Variants in LRRTM4 observed in about 807,000 individuals in gnomAD.
LRRTM4 encodes leucine rich repeat transmembrane neuronal 4, also known as leucine-rich repeat transmembrane neuronal protein 4.
LRRTM4 carries 25 observed loss-of-function variants against 47.6 expected under a neutral mutation model. The ratio of observed to expected loss-of-function variants is 0.53; its 90% CI spans 0.38 to 0.73. The LOEUF is 0.73. Ranked by LOEUF, LRRTM4 falls within the 30% of genes least tolerant of loss-of-function variation. The pLI is 0.00. For missense variants in LRRTM4, 638 were observed against 713.4 expected, an observed-to-expected ratio of 0.89 and a Z score of 1.20; for synonymous variants, 311 against 269.5, an observed-to-expected ratio of 1.15 and a Z score of -1.51.
At chr2:77,448,907 C>A (rs1161687671) in intron 3 of LRRTM4, among the ~76,000 whole-genome samples, 2 of 152,068 alleles carry the variant, frequency 1.3e-5, no homozygotes, top group Non-Finnish European at 2.9e-5. Flanking sequence ...GGAAAGTGGC[C>A]AGTTTAAACC....
intron 3 of LRRTM4, among the ~76,000 whole-genome samples, chr2:77,336,772 G>C (rs1671183202): frequency 6.6e-6 from 1 of 152,102 alleles, no homozygotes; most frequent in Non-Finnish European, 1.5e-5. Context: ...TACTGAATGG[G>C]CAAAAGTTGG....
At chr2:77,017,893 G>A (rs993145598) in intron 3 of LRRTM4, among the ~76,000 whole-genome samples, 20 of 144,408 alleles carry the variant, frequency 1.4e-4, no homozygotes, top group South Asian at 6.7e-4. Context: ...ATTAGAAAGC[G>A]TCTTTCTTTA....
chr2:77,047,380 T>C (rs1413789465), intron 3 of LRRTM4, among the ~76,000 whole-genome samples: 2 of 152,020 alleles, frequency 1.3e-5, no homozygotes, highest in African/African-American at 4.8e-5. Flanking sequence ...GTGGCTTAAA[T>C]AACAGATATT....
chr2:77,517,763 A>C (rs547106864), intron 3 of LRRTM4: 1 of 985,186 alleles, frequency 1.0e-6, no homozygotes, highest in African/African-American at 1.7e-5. Context: ...GACATTCTCT[A>C]TGCTGGTATA....
chr2:76,979,570 A>G (rs753368468), intron 3 of LRRTM4, among the ~76,000 whole-genome samples: 26 of 98,436 alleles, frequency 2.6e-4, no homozygotes, highest in Non-Finnish European at 4.3e-4. Context: ...CTCTATATAT[A>G]TATATAGAGA....
intron 3 of LRRTM4, among the ~76,000 whole-genome samples, chr2:76,994,880 G>T (rs1317162744): frequency 6.6e-6 from 1 of 151,856 alleles, no homozygotes; most frequent in African/African-American, 2.4e-5. Flanking sequence ...AAAAGCTAGG[G>T]AACTCTATTT....
intron 3 of LRRTM4, among the ~76,000 whole-genome samples, chr2:77,512,527 G>A (rs10209947): frequency 0.62 from 93,647 of 151,898 alleles, 29,211 homozygotes; most frequent in Middle Eastern, 0.72. Flanking sequence ...AAGACATACT[G>A]GTTTTTCAAA....
intron 3 of LRRTM4, among the ~76,000 whole-genome samples, chr2:77,081,289 CACAT>C (rs1440794676): frequency 2.3e-5 from 3 of 131,012 alleles, no homozygotes; most frequent in African/African-American, 3.5e-5. Context: ...CACACACACA[CACAT>C]AAATTTGTTG....
intron 3 of LRRTM4, among the ~76,000 whole-genome samples, chr2:76,905,250 G>A (rs951836885): frequency 6.6e-6 from 1 of 152,128 alleles, no homozygotes; most frequent in Non-Finnish European, 1.5e-5. Context: ...GGTCTGGAGT[G>A]GACCTCTAGC....
chr2:76,967,443 A>T (rs1305266696), intron 3 of LRRTM4, among the ~76,000 whole-genome samples: 1 of 151,530 alleles, frequency 6.6e-6, no homozygotes, highest in South Asian at 2.1e-4. Context: ...CACTTCCAAC[A>T]TAAGGTCACT....
At chr2:76,835,420 T>C (rs1200723253) in intron 3 of LRRTM4, among the ~76,000 whole-genome samples, 1 of 152,098 alleles carries the variant, frequency 6.6e-6, no homozygotes, top group East Asian at 1.9e-4. Flanking sequence ...CAATGGTGAA[T>C]AGTAAGAGTA....
chr2:76,795,866 G>C (rs113762384), intron 3 of LRRTM4, among the ~76,000 whole-genome samples: 1 of 151,774 alleles, frequency 6.6e-6, no homozygotes, highest in Non-Finnish European at 1.5e-5. Context: ...CGTGAGCGAC[G>C]CAGAAGACGG....
intron 3 of LRRTM4, among the ~76,000 whole-genome samples, chr2:77,290,494 A>G (rs188285640): frequency 1.3e-5 from 2 of 152,132 alleles, no homozygotes; most frequent in African/African-American, 4.8e-5. Flanking sequence ...GTAGCATAAT[A>G]GGTCAACTAC....
At chr2:77,391,360 G>A (rs1673498037) in intron 3 of LRRTM4, among the ~76,000 whole-genome samples, 1 of 151,878 alleles carries the variant, frequency 6.6e-6, no homozygotes, top group African/African-American at 2.4e-5. Context: ...AGCAGGACAA[G>A]GTGCTTTCTG....
At chr2:77,158,516 G>A (rs1239827457) in intron 3 of LRRTM4, among the ~76,000 whole-genome samples, 1 of 151,916 alleles carries the variant, frequency 6.6e-6, no homozygotes, top group East Asian at 1.9e-4. Flanking sequence ...TGTATTTCAT[G>A]GGCACTGCCT....
chr2:77,352,661 C>G (rs1368050355), intron 3 of LRRTM4, among the ~76,000 whole-genome samples: 1 of 152,004 alleles, frequency 6.6e-6, no homozygotes, highest in Non-Finnish European at 1.5e-5. Context: ...ATCCCTTAAG[C>G]CACACAACAA....
At chr2:77,499,706 G>T (rs1678500378) in intron 3 of LRRTM4, among the ~76,000 whole-genome samples, 1 of 151,812 alleles carries the variant, frequency 6.6e-6, no homozygotes, top group Admixed American at 6.6e-5. Flanking sequence ...CTAAAATTTT[G>T]AATGCTTTCA....
At chr2:77,362,115 G>GAGAAAGAAAGAAAGGA (rs1672240831) in intron 3 of LRRTM4, among the ~76,000 whole-genome samples, 1 of 98,778 alleles carries the variant, frequency 1.0e-5, no homozygotes, top group Non-Finnish European at 1.9e-5. Flanking sequence ...GAAAGAAAGA[G>GAGAAAGAAAGAAAGGA]AGAAAGAAAG....
chr2:77,153,281 TGAG>T (rs1375565936), intron 3 of LRRTM4, among the ~76,000 whole-genome samples: 1 of 152,166 alleles, frequency 6.6e-6, no homozygotes, highest in East Asian at 1.9e-4. Context: ...TCTGTAGATG[TGAG>T]GAGAATGCTT....
Sources: gnomAD v4.1 joint callset for allele counts (sites outside exome capture counted in the v4.1 genomes callset) on GRCh38, gnomAD v4.1.1 for gene constraint, MANE v1.5 for transcripts, NCBI Gene and HGNC (gene_info 2026-07-23, HGNC 2026-07-21) for gene names.